Variants in GSK3A observed in about 807,000 individuals in gnomAD.
GSK3A encodes glycogen synthase kinase-3 alpha.
A neutral mutation model predicts 56.6 loss-of-function variants in GSK3A; 14 were observed. The ratio of observed to expected loss-of-function variants is 0.25; its 90% CI spans 0.16 to 0.39. The LOEUF (loss-of-function observed/expected upper bound fraction) is 0.39. Ranked by LOEUF, GSK3A falls within the 10% of genes least tolerant of loss-of-function variation. The probability of loss-of-function intolerance (pLI) is 1.00; values close to 1 mark genes in which losing one functional copy is unlikely to be tolerated. For synonymous variants in GSK3A, 301 were observed against 285.0 expected (o/e 1.06, Z -0.56); for missense variants, 450 against 656.0 (o/e 0.69, Z 3.43).
At position 42,234,514 on chromosome 19, in the gene GSK3A, G is replaced by A. The variant is rs1364625803; in HGVS notation, c.797+34C>T. On this transcript the variant is annotated intron_variant, in intron 5 of 10. Coordinates refer to ENST00000222330, the MANE Select transcript of GSK3A (RefSeq NM_019884.3). The surrounding 1 kb of genome is among the most constrained non-coding windows in gnomAD (Gnocchi z 5.7). ...TGAGGCAAGGGTTGGGGTCCCCCCT[G>A]CCTCTTCAGCCACCCAACATGCCCC... 1 of 1,612,484 alleles carries A rather than the reference G, an allele frequency of 6.2e-7. No homozygotes were observed. The highest frequency in any genetic ancestry group is 8.5e-7 in the Non-Finnish European group (1 of 1,178,592).
In GSK3A at chr19:42,233,379, A is replaced by C; in HGVS notation, c.909T>G (p.Val303=). ...GATDYTSSID[V]WSAGCVLAEL... ...CTGCCAGTACACAGCCAGCTGACCA[A>C]ACATCTGAGGGGAAATGGAGGGAGC... is the stretch of plus-strand genomic sequence containing the variant. The change falls in exon 7 of 11, where the codon GTT becomes GTG. Residue 303 remains valine (V), a synonymous_variant. Transcript: ENST00000222330. 6.4e-7 allele frequency: 1 copy of C among 1,573,966 alleles called. No individual in the cohort carries two copies. Among genetic ancestry groups the C allele is most frequent in the Non-Finnish European group, 8.6e-7 (1 of 1,157,248 alleles).
Position 42,236,883 on chromosome 19 carries a change from T to A in GSK3A, c.530A>T (p.Tyr177Phe). ...LDHCNIVRLR[Y>F]FFYSSGEKKD... ...CTTCTCGCCACTGGAGTAGAAAAAG[T>A]ATCTCAGCCTCACAATATTGCAGTG... The change falls in exon 3 of 11, where the codon TAC (tyrosine) becomes TTC (phenylalanine). Residue 177 changes from tyrosine (Y) to phenylalanine (F), a missense_variant. Around this residue, in one of 3 missense-constraint regions of GSK3A, gnomAD observed 144 missense variants for 308.0 expected, o/e 0.47. Coordinates refer to ENST00000222330, the MANE Select transcript of GSK3A (RefSeq NM_019884.3). The A allele has an allele frequency of 6.2e-7, 1 of 1,613,094 alleles. No individual in the cohort carries two copies. The highest frequency in any genetic ancestry group is 8.5e-7 in the Non-Finnish European group (1 of 1,179,170).
chr19:42,242,289 GC>G lies in GSK3A; in HGVS notation c.176del (p.Gly59AlafsTer33). On this transcript the variant is annotated frameshift_variant, in exon 1 of 11. Coordinates refer to ENST00000222330, the MANE Select transcript of GSK3A (RefSeq NM_019884.3). LOFTEE classifies it high-confidence loss of function. ...CACCCCCGGAGCTCGAGGCCCCGAC[GC>G]CCCCACCCATGGCCCCGACAGATGC... ...GKASVGAMGG[G>X]VGASSSGGGP... 1 of 1,439,584 alleles carries G rather than the reference GC, an allele frequency of 6.9e-7. No homozygotes were observed. Among genetic ancestry groups the G allele is most frequent in the Non-Finnish European group, 9.1e-7 (1 of 1,102,724 alleles). The allele number at this position is 1,439,584 out of a possible 1,614,324, so 89.2% of individuals were successfully genotyped here. A position where few individuals can be genotyped will look rare whatever the true frequency, so the allele number is the denominator to read the frequency against.
chr19:42,237,178 GAGAC>G (rs1420206101), intron 2 of GSK3A, among the ~76,000 whole-genome samples: 4 of 101,158 alleles, frequency 4.0e-5, no homozygotes, highest in African/African-American at 1.2e-4. Context: ...TTTTTTTTTT[GAGAC>G]AGAGTCTTGC....
At position 42,242,521 on chromosome 19, in the gene GSK3A, G is replaced by T; in HGVS notation, c.-56C>A. The T allele has an allele frequency of 1.0e-6, 1 of 985,298 alleles. No homozygotes were observed. Among genetic ancestry groups the T allele is most frequent in the Non-Finnish European group, 1.2e-6 (1 of 821,668 alleles). The allele number at this position is 985,298 out of a possible 1,614,324, so 61.0% of individuals were successfully genotyped here. A position where few individuals can be genotyped will look rare whatever the true frequency, so the allele number is the denominator to read the frequency against. On this transcript the variant is annotated 5_prime_UTR_variant, in exon 1 of 11. Transcript: ENST00000222330. ...TCGGGCTGCCCGGGCTGCCCCAGCC[G>T]CCGCCGCTGCCGCCGCCTCCCCCGG...
chr19:42,237,535 A>G lies in GSK3A; in HGVS notation c.472-594T>C, dbSNP rs1279486458. 2.6e-5 allele frequency among the ~76,000 whole-genome samples: 4 copies of G among 151,868 alleles called. No individual in the cohort carries two copies. In the East Asian group the frequency reaches 5.8e-4, roughly 22 times the overall value. ...TTTTCAACTTATTGCTGACATGTAA[A>G]AGCCAAATGGCACCTTCTGATTTTT... On this transcript the variant is annotated intron_variant, in intron 2 of 10. Coordinates refer to ENST00000222330, the MANE Select transcript of GSK3A (RefSeq NM_019884.3).
chr19:42,236,982 C>T (rs745669243), intron 2 of GSK3A, 41 bp from the exon 3 acceptor site: 2 of 1,362,338 alleles, frequency 1.5e-6, no homozygotes, highest in Non-Finnish European at 2.1e-6. Context: ...AACCAACTCT[C>T]TCGGCTGCTC....
At chr19:42,241,896 G>C (rs571755768) in intron 1 of GSK3A, 1 of 331,716 alleles carries the variant, frequency 3.0e-6, no homozygotes, top group African/African-American at 2.1e-5. Context: ...AGCAACATCA[G>C]ATACCTGTTC....
At chr19:42,237,325 AT>A in intron 2 of GSK3A, among the ~76,000 whole-genome samples, 1 of 150,982 alleles carries the variant, frequency 6.6e-6, no homozygotes, top group African/African-American at 2.4e-5. Context: ...CGCCCAGCTA[AT>A]TTTTGTATTT....
At chr19:42,241,366 T>C (rs1371425809) in intron 1 of GSK3A, 1 of 152,100 alleles carries the variant, frequency 6.6e-6, no homozygotes, top group Non-Finnish European at 1.5e-5. Flanking sequence ...CTTTTTTTTT[T>C]CAGAGCCAAT....
In GSK3A at chr19:42,234,249, G is replaced by C. The variant is rs1392473044; in HGVS notation, c.904+104C>G. ...CTAAGTTTGTGAGGACTGGATACAA[G>C]AACAGAAGTTAAGCTTTCATCACCA... On this transcript the variant is annotated intron_variant, in intron 6 of 10. Transcript: ENST00000222330. The surrounding 1 kb of genome is among the most constrained non-coding windows in gnomAD (Gnocchi z 5.7). 3 of 822,238 alleles carry C rather than the reference G, an allele frequency of 3.6e-6. No homozygotes were observed. The highest frequency in any genetic ancestry group is 6.4e-6 in the Non-Finnish European group (3 of 470,616). 50.9% of individuals were successfully genotyped at this position (822,238 alleles called of 1,614,324 possible).
chr19:42,240,950 C>T (rs2036287630), intron 1 of GSK3A: 1 of 152,110 alleles, frequency 6.6e-6, no homozygotes. Context: ...TGGTGCCATT[C>T]TTAGAGGATA....
At chr19:42,232,389 G>T in intron 9 of GSK3A, 107 bp downstream of exon 9, 2 of 1,042,542 alleles carry the variant, frequency 1.9e-6, no homozygotes, top group East Asian at 2.6e-5. Flanking sequence ...GGCCTGCCTT[G>T]TACCCTGCCC....
chr19:42,240,780 G>A (rs2036286799), intron 1 of GSK3A: 1 of 153,354 alleles, frequency 6.5e-6, no homozygotes, highest in Admixed American at 6.5e-5. Context: ...GTGGTCCAGA[G>A]ACCCAGACCC....
intron 2 of GSK3A, among the ~76,000 whole-genome samples, chr19:42,239,085 C>T (rs532751730): frequency 1.1e-3 from 169 of 152,232 alleles, no homozygotes; most frequent in African/African-American, 3.9e-3. Context: ...TCTGGGTCCT[C>T]GAACTCTATC....
intron 2 of GSK3A, among the ~76,000 whole-genome samples, chr19:42,239,613 T>C (rs1355989690): frequency 1.3e-5 from 2 of 152,160 alleles, no homozygotes; most frequent in Admixed American, 6.5e-5. Context: ...GGGCACTTGC[T>C]CTATGACCTC....
chr19:42,233,618 C>A (rs1285969481), intron 6 of GSK3A, among the ~76,000 whole-genome samples: 1 of 152,148 alleles, frequency 6.6e-6, no homozygotes, highest in African/African-American at 2.4e-5. Flanking sequence ...CTGCTAAGGA[C>A]CCCAATGAGC....
At chr19:42,230,979 C>CT in intron 10 of GSK3A, 112 bp from the exon 11 acceptor site, 3 of 772,408 alleles carry the variant, frequency 3.9e-6, no homozygotes, top group Non-Finnish European at 6.8e-6. Context: ...AAGTTACAAG[C>CT]TGTTACTTTA....
intron 1 of GSK3A, chr19:42,241,070 A>C (rs1168652031): frequency 6.6e-6 from 1 of 151,422 alleles, no homozygotes; most frequent in Non-Finnish European, 1.5e-5. Flanking sequence ...ATCTCGACTC[A>C]CTGCAACCTC....
Sources: allele counts gnomAD v4.1 joint callset (sites outside exome capture counted in the v4.1 genomes callset), GRCh38; gene constraint gnomAD v4.1.1; regional missense constraint gnomAD v4.1.1; non-coding constraint Gnocchi (gnomAD v3.1); transcripts MANE v1.5; gene names NCBI Gene and HGNC (gene_info 2026-07-23, HGNC 2026-07-21).